PLCB1: variants seen among roughly 807,000 people sequenced by gnomAD.
The protein encoded by PLCB1 is phospholipase C beta 1, also known as 1-phosphatidylinositol 4,5-bisphosphate phosphodiesterase beta-1.
In PLCB1, 46 loss-of-function variants were observed where a neutral mutation model predicts 161.8. The observed-to-expected ratio is 0.28, with a 90% CI of 0.22 to 0.36. PLCB1 has a LOEUF of 0.36. PLCB1 is among the 10% of genes least tolerant of loss of function. PLCB1 has a pLI of 1.00. For missense variants in PLCB1, 1,016 were observed against 1,472.5 expected (o/e 0.69, Z 5.07); for synonymous variants, 517 against 503.7 (o/e 1.03, Z -0.35).
At chr20:8,384,441 T>C (rs769507561) in intron 3 of PLCB1, among the ~76,000 whole-genome samples, 4 of 152,092 alleles carry the variant, frequency 2.6e-5, no homozygotes, top group Admixed American at 6.5e-5. Flanking sequence ...ATCAAGGTTC[T>C]TAGCTTCTTT....
chr20:8,239,199 G>A (rs1326101827), intron 2 of PLCB1, among the ~76,000 whole-genome samples: 1 of 151,958 alleles, frequency 6.6e-6, no homozygotes, highest in African/African-American at 2.4e-5. Context: ...GGGAACTAAC[G>A]CCTTCCAGAA....
chr20:8,557,590 G>GA (rs1986005323), intron 3 of PLCB1, among the ~76,000 whole-genome samples: 1 of 152,044 alleles, frequency 6.6e-6, no homozygotes, highest in South Asian at 2.1e-4. Flanking sequence ...AGCTTTGGAA[G>GA]ATATTAAAAA....
intron 2 of PLCB1, among the ~76,000 whole-genome samples, chr20:8,275,250 A>AGTGTGT (rs3031931): frequency 0.39 from 56,486 of 145,188 alleles, 11,466 homozygotes; most frequent in East Asian, 0.58. Flanking sequence ...CATCAGCGTG[A>AGTGTGT]GTGTGTGTGT....
rs191202171 is a variant in PLCB1 at position 8,413,956 on chromosome 20, T to A, written c.246+42506T>A. Among the ~76,000 whole-genome samples, 3 of 152,318 alleles carry A rather than the reference T, an allele frequency of 2.0e-5. No individual in the cohort carries two copies. In the East Asian group the frequency reaches 5.8e-4, roughly 29 times the overall value. On this transcript the variant is annotated intron_variant, in intron 3 of 31. Coordinates refer to ENST00000338037, the MANE Select transcript of PLCB1 (RefSeq NM_015192.4). ...TTGAACTTCAGGCATATCTTTATTT[T>A]CCAGAAAGCCTGTTTATCATATGGC...
chr20:8,705,115 C>T (rs1025929662), intron 11 of PLCB1, among the ~76,000 whole-genome samples: 1 of 151,396 alleles, frequency 6.6e-6, no homozygotes, highest in Non-Finnish European at 1.5e-5. Context: ...ACAGAGACAC[C>T]CAGAAGAATG....
chr20:8,214,188 A>G (rs368116223), intron 2 of PLCB1, among the ~76,000 whole-genome samples: 2 of 152,162 alleles, frequency 1.3e-5, no homozygotes, highest in African/African-American at 4.8e-5. Flanking sequence ...GAAAGTAGCT[A>G]TGTAACATAG....
At chr20:8,337,064 A>C (rs1985608434) in intron 2 of PLCB1, among the ~76,000 whole-genome samples, 1 of 152,180 alleles carries the variant, frequency 6.6e-6, no homozygotes, top group Non-Finnish European at 1.5e-5. Context: ...TTATGCCCCT[A>C]GTAATGCTAA....
chr20:8,568,818 A>C (rs965275863), intron 3 of PLCB1, among the ~76,000 whole-genome samples: 14 of 152,160 alleles, frequency 9.2e-5, no homozygotes, highest in Middle Eastern at 3.2e-3. Context: ...GGGTACAAAG[A>C]GTTTATCTGG....
At chr20:8,326,382 C>T (rs149029632) in intron 2 of PLCB1, among the ~76,000 whole-genome samples, 8 of 152,318 alleles carry the variant, frequency 5.3e-5, no homozygotes, top group Non-Finnish European at 1.2e-4. Flanking sequence ...GGTTTGCATT[C>T]CAGCCCAGCG....
intron 3 of PLCB1, among the ~76,000 whole-genome samples, chr20:8,591,007 TG>T (rs1206064098): frequency 1.3e-5 from 2 of 152,230 alleles, no homozygotes; most frequent in East Asian, 1.9e-4. Context: ...CCCAGTGTGT[TG>T]TTCCCCTCCC....
At position 8,881,606 on chromosome 20, in the gene PLCB1, T is replaced by G. The variant is rs758266136; in HGVS notation, c.3424-16T>G. 1 of 1,596,722 alleles carries G rather than the reference T, an allele frequency of 6.3e-7. No homozygotes were observed. The highest frequency in any genetic ancestry group is 1.1e-5 in the South Asian group (1 of 90,732). ...ATAAACAACTTCAAGTCATCTCCCC[T>G]CTTGATGTCTCTCAGCTGCAGGTGG... On this transcript the variant is annotated splice_polypyrimidine_tract_variant and intron_variant, in intron 31 of 31. Coordinates refer to ENST00000338037, the MANE Select transcript of PLCB1 (RefSeq NM_015192.4).
At chr20:8,605,371 T>G (rs1001480723) in intron 3 of PLCB1, among the ~76,000 whole-genome samples, 1 of 152,122 alleles carries the variant, frequency 6.6e-6, no homozygotes, top group Non-Finnish European at 1.5e-5. Flanking sequence ...CTTATAGACG[T>G]AGTTCACTTG....
chr20:8,443,929 C>T (rs1209562631), intron 3 of PLCB1, among the ~76,000 whole-genome samples: 1 of 152,160 alleles, frequency 6.6e-6, no homozygotes, highest in Non-Finnish European at 1.5e-5. Flanking sequence ...TTACCAACTT[C>T]TTTTGTTGGT....
intron 1 of PLCB1, among the ~76,000 whole-genome samples, chr20:8,135,646 G>GT (rs1258019635): frequency 2.9e-4 from 44 of 152,054 alleles, no homozygotes; most frequent in African/African-American, 1.9e-4. Context: ...GGTAGCTGGA[G>GT]TTTTTTTGAC....
chr20:8,236,393 G>A (rs1980326548), intron 2 of PLCB1, among the ~76,000 whole-genome samples: 2 of 151,890 alleles, frequency 1.3e-5, no homozygotes, highest in South Asian at 2.1e-4. Flanking sequence ...ATTAGCTATG[G>A]GTAGTGGTGC....
At chr20:8,150,161 A>G (rs533758061) in intron 1 of PLCB1, 133 bp from the exon 2 acceptor site, 58 of 441,772 alleles carry the variant, frequency 1.3e-4, no homozygotes, top group Non-Finnish European at 2.2e-4. Context: ...GCCATGTCTA[A>G]TTTCTTTTGA....
chr20:8,673,001 A>G (rs1989987968), intron 9 of PLCB1, among the ~76,000 whole-genome samples: 1 of 151,970 alleles, frequency 6.6e-6, no homozygotes, highest in African/African-American at 2.4e-5. Flanking sequence ...AATCCCAGCT[A>G]CTCAGGAGGC....
chr20:8,180,296 A>G (rs1210776908), intron 2 of PLCB1, among the ~76,000 whole-genome samples: 1 of 152,240 alleles, frequency 6.6e-6, no homozygotes, highest in African/African-American at 2.4e-5. Flanking sequence ...CATCCCAGGG[A>G]TAAAGCCTAT....
chr20:8,628,563 C>T (rs1600205063), intron 4 of PLCB1, 132 bp downstream of exon 4: 1 of 851,846 alleles, frequency 1.2e-6, no homozygotes, highest in East Asian at 2.5e-5. Context: ...AATAATTCAG[C>T]TGCCAAGTAT....
Sources: allele counts gnomAD v4.1 joint callset (sites outside exome capture counted in the v4.1 genomes callset), GRCh38; gene constraint gnomAD v4.1.1; transcripts MANE v1.5; gene names NCBI Gene and HGNC (gene_info 2026-07-23, HGNC 2026-07-21).